Variants in SENP3 observed in about 807,000 individuals in gnomAD.
SENP3 encodes the protein sentrin-specific protease 3.
SENP3 carries 11 observed loss-of-function variants against 66.2 expected under a neutral mutation model. That is an observed-to-expected ratio of 0.17 (90% confidence interval 0.10 to 0.28). The LOEUF is 0.28. Among genes scored for constraint, SENP3 ranks in the 10% least tolerant of loss-of-function variants. The probability of loss-of-function intolerance (pLI) is 1.00; values close to 1 mark genes in which losing one functional copy is unlikely to be tolerated. For synonymous variants in SENP3, 292 were observed against 277.6 expected (o/e 1.05, Z -0.52); for missense variants, 548 against 743.7 (o/e 0.74, Z 3.06).
At position 7,565,840 on chromosome 17, in the gene SENP3, CTT is replaced by C. The variant is rs1240133749; in HGVS notation, c.1263+78_1263+79del. Reference sequence around the variant, plus strand: ...GCAGCTTTTTAAGCTCCTTTCATCTCTTTCATTTTACACAGAGAGGGTCTCTG... The same window carrying C: ...GCAGCTTTTTAAGCTCCTTTCATCTCTCATTTTACACAGAGAGGGTCTCTG... On this transcript the variant is annotated intron_variant, in intron 6 of 10. Transcript: ENST00000321337. The C allele has an allele frequency of 1.5e-5, 19 of 1,302,598 alleles. No individual in the cohort carries two copies. In the African/African-American group the frequency reaches 2.1e-4, roughly 14 times the overall value. 80.7% of individuals were successfully genotyped at this position (1,302,598 alleles called of 1,614,324 possible).
At position 7,564,752 on chromosome 17, in the gene SENP3, C is replaced by T. The variant is rs373336096; in HGVS notation, c.843C>T (p.Ala281=). ...TGTGCAGCATCGGGGACCATGTGGC[C>T]CAGGAGCTTTTTCAGGGCTCAGATT... ...SNVCSIGDHV[A]QELFQGSDLG... is the part of the protein sequence containing the mutation. Residue 281 remains alanine, a synonymous_variant, in exon 3 of 11, where the codon GCC becomes GCT. Transcript: ENST00000321337. The T allele has an allele frequency of 2.5e-6, 4 of 1,613,858 alleles. No homozygotes were observed. The highest frequency in any genetic ancestry group is 3.4e-6 in the Non-Finnish European group (4 of 1,179,910).
Position 7,562,834 on chromosome 17 carries a change from C to G in SENP3, c.-11-232C>G, listed in dbSNP as rs965097018. Among the ~76,000 whole-genome samples the G allele has an allele frequency of 6.6e-6, 1 of 152,210 alleles. No individual in the cohort carries two copies. The highest frequency in any genetic ancestry group is 6.5e-5 in the Admixed American group (1 of 15,286). ...ATCTTAGAAATAAGATCTCTGAGGC[C>G]TGCTGCTTAGCCATTTTCCCTTGTC... On this transcript the variant is annotated intron_variant, in intron 1 of 10. Coordinates refer to ENST00000321337, the MANE Select transcript of SENP3 (RefSeq NM_015670.6). The surrounding 1 kb of genome is among the most constrained non-coding windows in gnomAD (Gnocchi z 5.0).
rs749307910 is a variant in SENP3 at position 7,564,836 on chromosome 17, G to C, written c.927G>C (p.Leu309=). The part of the protein sequence containing the change: ...PGEKAGQHSP[L]REEHVTCVQS... The stretch of plus-strand genomic sequence containing the variant: ...AGAAAGCCGGCCAGCACAGCCCCCT[G>C]CGAGAGGAGCATGTGACCTGCGTAC... Residue 309 remains leucine, a synonymous_variant, in exon 3 of 11, where the codon CTG becomes CTC. Transcript: ENST00000321337. The C allele has an allele frequency of 1.3e-5, 21 of 1,612,078 alleles. No individual in the cohort carries two copies. In the African/African-American group the frequency reaches 2.4e-4, roughly 18 times the overall value.
intron 1 of SENP3, 22 bp from the exon 2 acceptor site, chr17:7,563,044 A>T: frequency 6.9e-7 from 1 of 1,445,370 alleles, no homozygotes; most frequent in Non-Finnish European, 9.1e-7. Flanking sequence ...AGATTTTGAT[A>T]CCCTGATCTT....
In SENP3 at chr17:7,570,136, C is replaced by T. The variant is rs971622976; in HGVS notation, c.1342-220C>T. Among the ~76,000 whole-genome samples the T allele has an allele frequency of 6.6e-6, 1 of 152,138 alleles. No homozygotes were observed. On this transcript the variant is annotated intron_variant, in intron 7 of 10. Coordinates refer to ENST00000321337, the MANE Select transcript of SENP3 (RefSeq NM_015670.6). This position sits in a 1 kb window ranked among gnomAD's most constrained non-coding sequence, Gnocchi z 5.4. The stretch of plus-strand genomic sequence containing the variant: ...GAAAAGCGCCTGCCCATCATGGGTT[C>T]TCCAGTGTTCGTTCTGATGTCTCCT...
At position 7,565,452 on chromosome 17, in the gene SENP3, G is replaced by C; in HGVS notation, c.1080G>C (p.Val360=). The C allele has an allele frequency of 6.2e-7, 1 of 1,613,832 alleles. No homozygotes were observed. Among genetic ancestry groups the C allele is most frequent in the South Asian group, 1.1e-5 (1 of 90,996 alleles). ...TTGGCCTACTCAGGAAGGGCCTGGT[G>C]TTGCAGCTGATCCAGTCTTACCAGC... The part of the protein sequence containing the change: ...EFSTPSRKGL[V]LQLIQSYQRM... Residue 360 remains valine (V), a synonymous_variant, in exon 5 of 11, where the codon GTG becomes GTC. Transcript: ENST00000321337.
Position 7,571,883 on chromosome 17 carries a change from AT to A in SENP3, c.*401del, listed in dbSNP as rs1567731471. ...TATATATATATATATATATATATAT[AT>A]ATATATATATATATATATATATATA... On this transcript the variant is annotated 3_prime_UTR_variant, in exon 11 of 11. Transcript: ENST00000321337. The A allele has an allele frequency of 3.6e-3, 46 of 12,868 alleles. 3 individuals carry two copies. The highest frequency in any genetic ancestry group is 4.6e-3 in the South Asian group (2 of 436). 0.8% of individuals were successfully genotyped at this position (12,868 alleles called of 1,614,324 possible).
chr17:7,562,861 C>G lies in SENP3; in HGVS notation c.-11-205C>G, dbSNP rs1028100915. ...GCTGCTTAGCCATTTTCCCTTGTCTCTGGACTGGGGAGAGATGATGGCACA... is the reference window on the plus strand; with the variant it reads ...GCTGCTTAGCCATTTTCCCTTGTCTGTGGACTGGGGAGAGATGATGGCACA... On this transcript the variant is annotated intron_variant, in intron 1 of 10. Coordinates refer to ENST00000321337, the MANE Select transcript of SENP3 (RefSeq NM_015670.6). This position sits in a 1 kb window ranked among gnomAD's most constrained non-coding sequence, Gnocchi z 5.0. Among the ~76,000 whole-genome samples, 2 of 152,192 alleles carry G rather than the reference C, an allele frequency of 1.3e-5. No individual in the cohort carries two copies.
chr17:7,564,486 G>A, intron 2 of SENP3, 139 bp from the exon 3 acceptor site: 1 of 1,247,174 alleles, frequency 8.0e-7, no homozygotes, highest in Non-Finnish European at 1.1e-6. Flanking sequence ...ATTTCTTGGA[G>A]TGGGATTGAC....
rs779253454 is a variant in SENP3, at chr17:7,571,387, G to C, written c.1629G>C (p.Leu543=). 6.2e-7 allele frequency: 1 copy of C among 1,613,546 alleles called. No individual in the cohort carries two copies. Among genetic ancestry groups the C allele is most frequent in the Non-Finnish European group, 8.5e-7 (1 of 1,179,646 alleles). The stretch of plus-strand genomic sequence containing the variant: ...TTAACACCCAGTACTGCAAGCATCT[G>C]GCCCTGTCTCAGCCATTCAGCTTCA... ...GAFVLQYCKH[L]ALSQPFSFTQ... The change falls in exon 11 of 11, where the codon CTG becomes CTC. Residue 543 remains leucine, a synonymous_variant. Transcript: ENST00000321337.
intron 6 of SENP3, among the ~76,000 whole-genome samples, chr17:7,566,553 C>G (rs1038795301): frequency 4.2e-5 from 6 of 142,886 alleles, no homozygotes; most frequent in Non-Finnish European, 9.2e-5. Context: ...GTAGTCCCAG[C>G]TACTCGGGAG....
chr17:7,571,405 C>T lies in SENP3; in HGVS notation c.1647C>T (p.Phe549=). 6.2e-7 allele frequency: 1 copy of T among 1,613,768 alleles called. No homozygotes were observed. The highest frequency in any genetic ancestry group is 8.5e-7 in the Non-Finnish European group (1 of 1,179,802). Residue 549 remains phenylalanine, a synonymous_variant, in exon 11 of 11, where the codon TTC becomes TTT. Transcript: ENST00000321337. The stretch of plus-strand genomic sequence containing the variant: ...AGCATCTGGCCCTGTCTCAGCCATT[C>T]AGCTTCACCCAGCAGGACATGCCCA... ...YCKHLALSQP[F]SFTQQDMPKL...
chr17:7,563,062 T>G lies in SENP3; in HGVS notation c.-11-4T>G. ...TTTTGATACCCTGATCTTTTGTTTT[T>G]CAGGGTACTGGAAGATGAAAGAGAC... is the stretch of plus-strand genomic sequence containing the variant. On this transcript the variant is annotated splice_polypyrimidine_tract_variant and splice_region_variant and intron_variant, in intron 1 of 10. Coordinates refer to ENST00000321337, the MANE Select transcript of SENP3 (RefSeq NM_015670.6). 1 of 1,459,848 alleles carries G rather than the reference T, an allele frequency of 6.9e-7. No individual in the cohort carries two copies. The highest frequency in any genetic ancestry group is 9.0e-7 in the Non-Finnish European group (1 of 1,106,890). 90.4% of individuals were successfully genotyped at this position (1,459,848 alleles called of 1,614,324 possible).
chr17:7,564,523 C>T, intron 2 of SENP3, 102 bp from the exon 3 acceptor site: 1 of 1,499,052 alleles, frequency 6.7e-7, no homozygotes, highest in South Asian at 1.2e-5. Context: ...TCAGTGTATC[C>T]TTCTTGCGGT....
In SENP3 at chr17:7,571,717, T is replaced by C; in HGVS notation, c.*234T>C. On this transcript the variant is annotated 3_prime_UTR_variant, in exon 11 of 11. Transcript: ENST00000321337. ...CTTTCTTCCTCTGTTTGCAGGGGAG[T>C]GTGGCCCTGTGGCCTGGGTGGAGCA... 2.6e-6 allele frequency: 1 copy of C among 388,538 alleles called. No individual in the cohort carries two copies. Among genetic ancestry groups the C allele is most frequent in the East Asian group, 5.8e-5 (1 of 17,210 alleles). 24.1% of individuals were successfully genotyped at this position (388,538 alleles called of 1,614,324 possible). A position where few individuals can be genotyped will look rare whatever the true frequency, so the allele number is the denominator to read the frequency against.
rs140868033 is a variant in SENP3, at chr17:7,564,093, C to G, written c.715+302C>G. Among the ~76,000 whole-genome samples the G allele has an allele frequency of 2.6e-5, 4 of 152,278 alleles. No individual in the cohort carries two copies. The East Asian group carries it at 7.7e-4, about 29-fold the overall frequency. ...GTGGTTTACAAAAATCCTGTCCACACGAAATCCCTTGTCGGCCTCTCAGTA... is the reference window on the plus strand; with the variant it reads ...GTGGTTTACAAAAATCCTGTCCACAGGAAATCCCTTGTCGGCCTCTCAGTA... On this transcript the variant is annotated intron_variant, in intron 2 of 10. Transcript: ENST00000321337.
chr17:7,567,064 G>C, intron 7 of SENP3, 60 bp downstream of exon 7: 1 of 1,118,942 alleles, frequency 8.9e-7, no homozygotes, highest in Non-Finnish European at 1.3e-6. Context: ...TGAGAGTCTT[G>C]TTTTCTCTGA....
At position 7,563,472 on chromosome 17, in the gene SENP3, C is replaced by T; in HGVS notation, c.396C>T (p.Ala132=). 6.4e-7 allele frequency: 1 copy of T among 1,550,610 alleles called. No individual in the cohort carries two copies. The highest frequency in any genetic ancestry group is 8.7e-7 in the Non-Finnish European group (1 of 1,146,888). The change falls in exon 2 of 11, where the codon GCC becomes GCT. Residue 132 remains alanine (A), a synonymous_variant. Coordinates refer to ENST00000321337, the MANE Select transcript of SENP3 (RefSeq NM_015670.6). ...AGCGCCGCCGCCGAGCCATGAGAGC[C>T]TTCCGGATGCTGCTCTACTCAAAAA... ...CSQRRRRAMR[A]FRMLLYSKST... is the part of the protein sequence containing the mutation.
At chr17:7,571,246 C>A in intron 10 of SENP3, 127 bp from the exon 11 acceptor site, 1 of 691,484 alleles carries the variant, frequency 1.4e-6, no homozygotes, top group South Asian at 1.9e-5. Flanking sequence ...GTTTTTGAAC[C>A]CCAGGCTGTG....
Sources: gnomAD v4.1 joint callset for allele counts (sites outside exome capture counted in the v4.1 genomes callset) on GRCh38, gnomAD v4.1.1 for gene constraint, Gnocchi (gnomAD v3.1) non-coding constraint, MANE v1.5 for transcripts, NCBI Gene and HGNC (gene_info 2026-07-23, HGNC 2026-07-21) for gene names.